CSNK1G1: variants seen among roughly 807,000 people sequenced by gnomAD.
CSNK1G1 encodes the protein casein kinase I isoform gamma-1.
In CSNK1G1, 22 loss-of-function variants were observed where a neutral mutation model predicts 59.6. The observed-to-expected ratio is 0.37, with a 90% CI of 0.26 to 0.53. CSNK1G1 has a LOEUF of 0.53. Ranked by LOEUF, CSNK1G1 falls within the 20% of genes least tolerant of loss-of-function variation. The probability of loss-of-function intolerance (pLI) is 0.89; values close to 1 mark genes in which losing one functional copy is unlikely to be tolerated. For missense variants in CSNK1G1, 384 were observed against 519.5 expected, an observed-to-expected ratio of 0.74 and a Z score of 2.54; for synonymous variants, 179 against 177.1, an observed-to-expected ratio of 1.01 and a Z score of -0.08.
At chr15:64,317,277 C>T (rs1040342683) in intron 1 of CSNK1G1, among the ~76,000 whole-genome samples, 2 of 152,114 alleles carry the variant, frequency 1.3e-5, no homozygotes, top group African/African-American at 4.8e-5. Flanking sequence ...TTAGTAGAGA[C>T]AGTGTTTCAC....
At chr15:64,321,571 A>G (rs552342073) in intron 1 of CSNK1G1, among the ~76,000 whole-genome samples, 1 of 152,190 alleles carries the variant, frequency 6.6e-6, no homozygotes, top group Non-Finnish European at 1.5e-5. Context: ...GCCTAATTAA[A>G]GCATTTCTAT....
chr15:64,267,270 A>G (rs1361665554), intron 2 of CSNK1G1, among the ~76,000 whole-genome samples: 2 of 151,356 alleles, frequency 1.3e-5, no homozygotes. Flanking sequence ...AAAAAAAAAA[A>G]AAAAAGAAAA....
intron 2 of CSNK1G1, among the ~76,000 whole-genome samples, chr15:64,278,425 TA>T (rs1566931035): frequency 0.018 from 2,416 of 136,314 alleles, 34 homozygotes; most frequent in Non-Finnish European, 0.025. Context: ...TGTGTATATA[TA>T]TATATATTTT....
chr15:64,249,891 G>C (rs921149908), intron 4 of CSNK1G1, among the ~76,000 whole-genome samples: 4 of 152,078 alleles, frequency 2.6e-5, no homozygotes, highest in Non-Finnish European at 4.4e-5. Flanking sequence ...GGTCTGATTT[G>C]GTGGATCTAT....
intron 10 of CSNK1G1, among the ~76,000 whole-genome samples, chr15:64,186,743 A>G (rs546001199): frequency 6.6e-6 from 1 of 152,312 alleles, no homozygotes; most frequent in East Asian, 1.9e-4. Flanking sequence ...TCCTGGCCTC[A>G]AGTGATCCTC....
chr15:64,178,850 A>G (rs1416483121), intron 11 of CSNK1G1, among the ~76,000 whole-genome samples: 1 of 151,996 alleles, frequency 6.6e-6, no homozygotes, highest in Non-Finnish European at 1.5e-5. Flanking sequence ...TGACATGACC[A>G]TAGCTCACTG....
At chr15:64,251,653 T>C (rs1892091682) in intron 3 of CSNK1G1, 72 bp from the exon 4 acceptor site, 1 of 1,058,058 alleles carries the variant, frequency 9.5e-7, no homozygotes, top group Non-Finnish European at 1.5e-6. Context: ...ATTTTTGGAG[T>C]AAACGAGGGC....
rs1268532383 is a variant in CSNK1G1, at chr15:64,166,331, A to G, written c.*5600T>C. On this transcript the variant is annotated 3_prime_UTR_variant, in exon 12 of 12. Coordinates refer to ENST00000303052, the MANE Select transcript of CSNK1G1 (RefSeq NM_022048.5). This position sits in a 1 kb window ranked among gnomAD's most constrained non-coding sequence, Gnocchi z 4.5. ...CATTATTTTCCATTGGGGGGTATAT[A>G]TTTTTGGTTTATCTTTATCTTTTCT... 3.8e-6 allele frequency: 1 copy of G among 263,268 alleles called. No individual in the cohort carries two copies. The highest frequency in any genetic ancestry group is 7.1e-6 in the Non-Finnish European group (1 of 141,570). 16.3% of individuals were successfully genotyped at this position (263,268 alleles called of 1,614,324 possible). A position where few individuals can be genotyped will look rare whatever the true frequency, so the allele number is the denominator to read the frequency against.
Position 64,171,226 on chromosome 15 carries a change from T to C in CSNK1G1, c.*705A>G, listed in dbSNP as rs1055477209. On this transcript the variant is annotated 3_prime_UTR_variant, in exon 12 of 12. Coordinates refer to ENST00000303052, the MANE Select transcript of CSNK1G1 (RefSeq NM_022048.5). This position sits in a 1 kb window ranked among gnomAD's most constrained non-coding sequence, Gnocchi z 4.8. ...TTTCCTTTGCTTAGAACAATTTTCATTGTCCTACTACCTGGAGAAAAGAGT... is the reference window on the plus strand; with the variant it reads ...TTTCCTTTGCTTAGAACAATTTTCACTGTCCTACTACCTGGAGAAAAGAGT... 1.3e-5 allele frequency: 2 copies of C among 152,666 alleles called. No homozygotes were observed. The allele number at this position is 152,666 out of a possible 1,614,324, so 9.5% of individuals were successfully genotyped here. A position where few individuals can be genotyped will look rare whatever the true frequency, so the allele number is the denominator to read the frequency against.
intron 6 of CSNK1G1, among the ~76,000 whole-genome samples, chr15:64,213,088 G>C (rs1348328998): frequency 6.6e-6 from 1 of 152,090 alleles, no homozygotes; most frequent in Non-Finnish European, 1.5e-5. Context: ...TTTCTGCCTA[G>C]GAGTATGGAA....
chr15:64,309,309 A>AACACACACACAC (rs66467610), intron 1 of CSNK1G1, among the ~76,000 whole-genome samples: 19 of 146,494 alleles, frequency 1.3e-4, no homozygotes, highest in African/African-American at 4.6e-4. Flanking sequence ...TAGTGAATAA[A>AACACACACACAC]ACACACACAC....
chr15:64,346,113 T>C (rs917942097), intron 1 of CSNK1G1, among the ~76,000 whole-genome samples: 1 of 151,996 alleles, frequency 6.6e-6, no homozygotes, highest in African/African-American at 2.4e-5. Flanking sequence ...TGGTCACGAC[T>C]GGATGCAGTG....
At chr15:64,237,875 C>A (rs1170242851) in intron 4 of CSNK1G1, among the ~76,000 whole-genome samples, 3 of 152,146 alleles carry the variant, frequency 2.0e-5, no homozygotes, top group African/African-American at 4.8e-5. Flanking sequence ...AATTGCAAAG[C>A]CTGATAACCT....
chr15:64,181,629 T>G (rs2081815297), intron 10 of CSNK1G1: 1 of 508,034 alleles, frequency 2.0e-6, no homozygotes, highest in South Asian at 2.9e-5. Flanking sequence ...TAATCAGCCC[T>G]AAGTTTGAAC....
intron 1 of CSNK1G1, among the ~76,000 whole-genome samples, chr15:64,315,482 G>A (rs1177146504): frequency 2.0e-5 from 3 of 152,158 alleles, no homozygotes; most frequent in Non-Finnish European, 4.4e-5. Context: ...TTTTCTAAAC[G>A]ATTGACTCTA....
rs561608716 is a variant in CSNK1G1 at position 64,281,811 on chromosome 15, A to G, written c.181+18508T>C. Among the ~76,000 whole-genome samples the G allele has an allele frequency of 8.3e-4, 126 of 151,984 alleles. 1 individual carries two copies. Among genetic ancestry groups the G allele is most frequent in the African/African-American group, 2.8e-3 (115 of 41,528 alleles). On this transcript the variant is annotated intron_variant, in intron 2 of 11. Transcript: ENST00000303052. ...GCCGAGACTGTGCCGAGAAAAAAAA[A>G]AAAGAAAAGAAAAAGTTCTAGAGAT...
chr15:64,222,003 A>C (rs2082394533), intron 4 of CSNK1G1, among the ~76,000 whole-genome samples: 1 of 152,140 alleles, frequency 6.6e-6, no homozygotes, highest in African/African-American at 2.4e-5. Flanking sequence ...ACTATTTACA[A>C]TAGCAAAGAC....
chr15:64,327,407 G>C (rs1758763045), intron 1 of CSNK1G1, among the ~76,000 whole-genome samples: 1 of 151,194 alleles, frequency 6.6e-6, no homozygotes, highest in African/African-American at 2.4e-5. Flanking sequence ...CTCCCCAGCA[G>C]GGGCACACTG....
intron 7 of CSNK1G1, among the ~76,000 whole-genome samples, chr15:64,206,738 C>T (rs1157936995): frequency 2.0e-5 from 3 of 151,880 alleles, no homozygotes; most frequent in Non-Finnish European, 4.4e-5. Context: ...GACATGTAAC[C>T]ACTGTACTGA....
Sources: gnomAD v4.1 joint callset for allele counts (sites outside exome capture counted in the v4.1 genomes callset) on GRCh38, gnomAD v4.1.1 for gene constraint, Gnocchi (gnomAD v3.1) non-coding constraint, MANE v1.5 for transcripts, NCBI Gene and HGNC (gene_info 2026-07-23, HGNC 2026-07-21) for gene names.